Variants in COG5 observed in about 807,000 individuals in gnomAD.
The protein encoded by COG5 is component of oligomeric golgi complex 5, also known as conserved oligomeric Golgi complex subunit 5.
Under a neutral mutation model 110.4 loss-of-function variants are expected in COG5, and 86 were observed. The ratio of observed to expected loss-of-function variants is 0.78; its 90% CI spans 0.65 to 0.93. The LOEUF (loss-of-function observed/expected upper bound fraction) is 0.93, where lower values mean the gene tolerates loss of function less well. COG5 is among the 40% of genes least tolerant of loss of function. The pLI, the probability that COG5 is intolerant of heterozygous loss-of-function variation, is 0.00. For synonymous variants in COG5, 360 were observed against 334.6 expected, an observed-to-expected ratio of 1.08 and a Z score of -0.83; for missense variants, 1,077 against 987.0, an observed-to-expected ratio of 1.09 and a Z score of -1.22.
intron 7 of COG5, among the ~76,000 whole-genome samples, chr7:107,387,212 G>C (rs551932840): frequency 6.6e-6 from 1 of 152,334 alleles, no homozygotes; most frequent in South Asian, 2.1e-4. Context: ...TCTGCAGCGG[G>C]TAAGCTCACA....
intron 5 of COG5, among the ~76,000 whole-genome samples, chr7:107,545,805 GAAAA>G (rs1802383650): frequency 7.3e-6 from 1 of 137,800 alleles, no homozygotes; most frequent in Non-Finnish European, 1.6e-5. Context: ...AAAAAGAAAA[GAAAA>G]GAAAGAAAAA....
intron 11 of COG5, among the ~76,000 whole-genome samples, chr7:107,314,195 T>A (rs1053814488): frequency 1.3e-5 from 2 of 152,078 alleles, no homozygotes; most frequent in South Asian, 2.1e-4. Flanking sequence ...ATAACAATTT[T>A]AAAAAATTCC....
intron 6 of COG5, among the ~76,000 whole-genome samples, chr7:107,486,129 CAAAAAAAA>C (rs909356201): frequency 6.7e-6 from 1 of 149,374 alleles, no homozygotes; most frequent in African/African-American, 2.5e-5. Context: ...TTTGCCAGGC[CAAAAAAAA>C]ATTATAATTT....
intron 6 of COG5, among the ~76,000 whole-genome samples, chr7:107,463,807 C>A (rs896558977): frequency 3.3e-5 from 5 of 152,084 alleles, no homozygotes; most frequent in African/African-American, 1.2e-4. Flanking sequence ...GAAGGCTTTT[C>A]TTCTGCTTTG....
At chr7:107,208,761 C>G (rs576957675) in intron 21 of COG5, 34 of 985,332 alleles carry the variant, frequency 3.5e-5, no homozygotes, top group Non-Finnish European at 3.7e-5. Flanking sequence ...TCCACACATA[C>G]GCCCAGAGGG....
At chr7:107,376,269 A>C (rs1194045296) in intron 7 of COG5, among the ~76,000 whole-genome samples, 1 of 151,900 alleles carries the variant, frequency 6.6e-6, no homozygotes, top group Non-Finnish European at 1.5e-5. Context: ...GATATATGAC[A>C]CTTCCATATA....
intron 7 of COG5, among the ~76,000 whole-genome samples, chr7:107,394,229 C>T (rs774863933): frequency 6.6e-6 from 1 of 151,052 alleles, no homozygotes; most frequent in African/African-American, 2.4e-5. Flanking sequence ...TCCCAAAATG[C>T]TGTGATTACA....
At chr7:107,457,570 A>G (rs1195584315) in intron 6 of COG5, among the ~76,000 whole-genome samples, 3 of 152,154 alleles carry the variant, frequency 2.0e-5, no homozygotes, top group Non-Finnish European at 1.5e-5. Flanking sequence ...CTGGGACTAC[A>G]GGTGCCCGCC....
chr7:107,436,950 C>T (rs937114904), intron 6 of COG5, among the ~76,000 whole-genome samples: 1 of 152,136 alleles, frequency 6.6e-6, no homozygotes, highest in Non-Finnish European at 1.5e-5. Context: ...TGTCCATTTA[C>T]ATTAATACTT....
At chr7:107,407,979 T>C (rs1014342026) in intron 7 of COG5, among the ~76,000 whole-genome samples, 1 of 152,210 alleles carries the variant, frequency 6.6e-6, no homozygotes, top group Non-Finnish European at 1.5e-5. Flanking sequence ...AGATATGCCT[T>C]ATATTAAGAT....
At chr7:107,337,059 A>G (rs1358523764) in intron 10 of COG5, among the ~76,000 whole-genome samples, 1 of 152,222 alleles carries the variant, frequency 6.6e-6, no homozygotes, top group South Asian at 2.1e-4. Context: ...TGTCAACATC[A>G]CTAATCATCA....
At chr7:107,271,653 CA>C (rs1369389736) in intron 14 of COG5, among the ~76,000 whole-genome samples, 1 of 152,040 alleles carries the variant, frequency 6.6e-6, no homozygotes, top group African/African-American at 2.4e-5. Context: ...ACCTTGTATA[CA>C]ATGATTTTAC....
In COG5 at chr7:107,211,309, T is replaced by C. The variant is rs1018946; in HGVS notation, c.2169-84A>G. The C allele has an allele frequency of 0.2, 303,496 of 1,492,312 alleles. 32,720 individuals are homozygous for C. The highest frequency in any genetic ancestry group is 0.22 in the Non-Finnish European group (239,669 of 1,078,578). 92.4% of individuals were successfully genotyped at this position (1,492,312 alleles called of 1,614,324 possible). A position where few individuals can be genotyped will look rare whatever the true frequency, so the allele number is the denominator to read the frequency against. On this transcript the variant is annotated intron_variant, in intron 19 of 21. Coordinates refer to ENST00000297135, the MANE Select transcript of COG5 (RefSeq NM_006348.5). Reference sequence around the variant, plus strand: ...TGGGAGAATCATTCTCCTTGTAGAATAGCATTTTTCCTAGATTGGCTACTG... The same window carrying C: ...TGGGAGAATCATTCTCCTTGTAGAACAGCATTTTTCCTAGATTGGCTACTG...
chr7:107,505,419 GA>G (rs1258452216), intron 6 of COG5, among the ~76,000 whole-genome samples: 1 of 152,164 alleles, frequency 6.6e-6, no homozygotes, highest in Non-Finnish European at 1.5e-5. Context: ...GTTTCAAGTG[GA>G]GAGGAATTGT....
At chr7:107,307,102 G>A (rs1807793170) in intron 11 of COG5, among the ~76,000 whole-genome samples, 1 of 152,130 alleles carries the variant, frequency 6.6e-6, no homozygotes. Context: ...CTGTCCTGTT[G>A]CTCCTTGTAA....
At chr7:107,494,426 A>G (rs1270169289) in intron 6 of COG5, among the ~76,000 whole-genome samples, 1 of 152,210 alleles carries the variant, frequency 6.6e-6, no homozygotes, top group African/African-American at 2.4e-5. Context: ...AATGGAGCTG[A>G]GAATTTCCTA....
At chr7:107,504,791 G>A (rs1798867179) in intron 6 of COG5, among the ~76,000 whole-genome samples, 1 of 152,076 alleles carries the variant, frequency 6.6e-6, no homozygotes, top group Admixed American at 6.6e-5. Flanking sequence ...ATGCATAGGG[G>A]TGTTAATAGT....
chr7:107,376,643 C>A (rs1349150010), intron 7 of COG5, among the ~76,000 whole-genome samples: 4 of 151,956 alleles, frequency 2.6e-5, no homozygotes, highest in Non-Finnish European at 5.9e-5. Flanking sequence ...CCATTCTCCT[C>A]TATCTCATTG....
chr7:107,549,988 A>G (rs1369944073), intron 3 of COG5, among the ~76,000 whole-genome samples: 1 of 152,056 alleles, frequency 6.6e-6, no homozygotes. Flanking sequence ...CTATGTTCTC[A>G]TTCCCTATCT....
Sources: gnomAD v4.1 joint callset for allele counts (sites outside exome capture counted in the v4.1 genomes callset) on GRCh38, gnomAD v4.1.1 for gene constraint, MANE v1.5 for transcripts, NCBI Gene and HGNC (gene_info 2026-07-23, HGNC 2026-07-21) for gene names.